The following ATAD2 variants were observed in gnomAD, a reference collection of about 807,000 sequenced individuals.
ATAD2 encodes ATPase family AAA domain-containing protein 2.
A neutral mutation model predicts 168.9 loss-of-function variants in ATAD2; 62 were observed. The observed-to-expected ratio is 0.37, with a 90% CI of 0.30 to 0.45. The LOEUF (loss-of-function observed/expected upper bound fraction) is 0.45. ATAD2 is among the 20% of genes least tolerant of loss of function. The pLI is 1.00. For synonymous variants in ATAD2, 613 were observed against 571.6 expected (o/e 1.07, Z -1.03); for missense variants, 1,419 against 1,667.8 (o/e 0.85, Z 2.60).
At chr8:123,370,453 G>T (rs1829118831) in intron 6 of ATAD2, among the ~76,000 whole-genome samples, 1 of 151,980 alleles carries the variant, frequency 6.6e-6, no homozygotes, top group Admixed American at 6.6e-5. Context: ...AGCCCATCTG[G>T]CTGTCATGGA....
chr8:123,354,445 C>T (rs535625995), intron 13 of ATAD2, among the ~76,000 whole-genome samples: 14 of 152,098 alleles, frequency 9.2e-5, no homozygotes, highest in Admixed American at 5.9e-4. Context: ...GTGGCTCATG[C>T]CTGTAATCCC....
At chr8:123,338,510 T>C (rs952250422) in intron 20 of ATAD2, among the ~76,000 whole-genome samples, 2 of 152,210 alleles carry the variant, frequency 1.3e-5, no homozygotes, top group African/African-American at 4.8e-5. Context: ...ACAGGTTATT[T>C]TGTTTAAATA....
chr8:123,378,095 T>C (rs889996098), intron 2 of ATAD2, among the ~76,000 whole-genome samples: 2 of 152,202 alleles, frequency 1.3e-5, no homozygotes, highest in Non-Finnish European at 2.9e-5. Context: ...CTGGTTTATA[T>C]TGTACTTCAT....
intron 13 of ATAD2, among the ~76,000 whole-genome samples, chr8:123,354,900 C>T (rs563667837): frequency 8.3e-6 from 1 of 120,834 alleles, no homozygotes; most frequent in Non-Finnish European, 1.6e-5. Context: ...TGAGATGGCA[C>T]AGTTTTGCTA....
intron 25 of ATAD2, among the ~76,000 whole-genome samples, chr8:123,326,751 T>C (rs1159311264): frequency 1.3e-5 from 2 of 152,202 alleles, no homozygotes; most frequent in East Asian, 1.9e-4. Flanking sequence ...GGTTGAGTAG[T>C]TGTCACAGAG....
upstream of ATAD2, chr8:123,396,540 G>A (rs1392782955): frequency 1.7e-6 from 1 of 604,664 alleles, no homozygotes; most frequent in Non-Finnish European, 2.8e-6. Context: ...AGAACAGCAG[G>A]CTCGAAACTC....
chr8:123,334,578 A>G (rs75546871), intron 22 of ATAD2, among the ~76,000 whole-genome samples: 6,284 of 149,126 alleles, frequency 0.042, 163 homozygotes, highest in Non-Finnish European at 0.062. Flanking sequence ...GAAATATCAG[A>G]AAAAAAAAAG....
intron 1 of ATAD2, among the ~76,000 whole-genome samples, chr8:123,412,994 GCTTA>G (rs1813183490): frequency 6.6e-6 from 1 of 151,974 alleles, no homozygotes; most frequent in Non-Finnish European, 1.5e-5. Flanking sequence ...TACTAAAAGG[GCTTA>G]GAATTGTAAA....
At chr8:123,391,425 T>A in intron 1 of ATAD2, among the ~76,000 whole-genome samples, 1 of 103,492 alleles carries the variant, frequency 9.7e-6, no homozygotes, top group African/African-American at 3.8e-5. Flanking sequence ...AATAGGTGAC[T>A]AAAAGTAACT....
At chr8:123,335,942 C>G (rs1381807714) in intron 22 of ATAD2, among the ~76,000 whole-genome samples, 1 of 152,048 alleles carries the variant, frequency 6.6e-6, no homozygotes, top group East Asian at 1.9e-4. Context: ...AAAAATATTA[C>G]TACTAGTAAG....
At chr8:123,397,846 G>C (rs1812925949), upstream of ATAD2, among the ~76,000 whole-genome samples, 3 of 152,236 alleles carry the variant, frequency 2.0e-5, no homozygotes, top group South Asian at 6.2e-4. Context: ...GGGTGATTAG[G>C]GAAGGTCTGG....
rs149531312 is a variant in ATAD2, at chr8:123,369,927, A to T, written c.825T>A (p.Asp275Glu). Residue 275 changes from aspartate (D) to glutamate (E), a missense_variant, in exon 7 of 28, where the codon GAT (aspartate) becomes GAA (glutamate). Asp to Glu is a conservative substitution (Grantham distance 45). Around this residue, in one of 5 missense-constraint regions of ATAD2, gnomAD observed 419 missense variants for 423.5 expected, o/e 0.99. Coordinates refer to ENST00000287394, the MANE Select transcript of ATAD2 (RefSeq NM_014109.4). The stretch of plus-strand genomic sequence containing the variant: ...CTTCATCTTCATCATCTTCATCATC[A>T]TCATCATCATCATCATCGTCATCAT... ...DDDDDDDDDDDDDEDDEDEED... is the reference protein window; with the variant it reads ...DDDDDDDDDDEDDEDDEDEED... 6.5e-5 allele frequency: 101 copies of T among 1,564,852 alleles called. No individual in the cohort carries two copies. Among genetic ancestry groups the T allele is most frequent in the East Asian group, 2.9e-4 (13 of 44,216 alleles).
At chr8:123,344,764 A>G (rs1293931625) in intron 19 of ATAD2, 120 bp downstream of exon 19, 4 of 1,096,662 alleles carry the variant, frequency 3.6e-6, no homozygotes, top group Non-Finnish European at 5.4e-6. Context: ...GGTATATTTG[A>G]TAAGAAAACT....
intron 22 of ATAD2, among the ~76,000 whole-genome samples, chr8:123,334,615 C>T (rs537396596): frequency 2.0e-5 from 3 of 150,506 alleles, no homozygotes; most frequent in Admixed American, 2.0e-4. Flanking sequence ...AGAGATTAAA[C>T]ATGATAACGA....
At chr8:123,372,585 CAG>C (rs1318185659) in intron 3 of ATAD2, 50 bp downstream of exon 3, 1 of 1,378,890 alleles carries the variant, frequency 7.3e-7, no homozygotes, top group African/African-American at 1.5e-5. Context: ...AACCTGTAAA[CAG>C]AATATTAATT....
At chr8:123,374,731 C>T (rs1299446252) in intron 2 of ATAD2, among the ~76,000 whole-genome samples, 3 of 152,144 alleles carry the variant, frequency 2.0e-5, no homozygotes, top group African/African-American at 4.8e-5. Flanking sequence ...GGCAGTGTTC[C>T]AAGGAAACTA....
At chr8:123,376,244 A>G (rs1303363525) in intron 2 of ATAD2, among the ~76,000 whole-genome samples, 1 of 151,906 alleles carries the variant, frequency 6.6e-6, no homozygotes, top group Non-Finnish European at 1.5e-5. Context: ...TGTCTCTACT[A>G]AAAATAGAAA....
At chr8:123,340,729 T>C (rs1391219175) in intron 19 of ATAD2, among the ~76,000 whole-genome samples, 2 of 152,168 alleles carry the variant, frequency 1.3e-5, no homozygotes, top group African/African-American at 4.8e-5. Flanking sequence ...TCAAATTATA[T>C]GAGGTACCTA....
upstream of ATAD2, chr8:123,400,791 T>G: frequency 2.2e-6 from 2 of 899,314 alleles, no homozygotes; most frequent in Non-Finnish European, 1.9e-6. This position sits in a 1 kb window ranked among gnomAD's most constrained non-coding sequence, Gnocchi z 4.5. Flanking sequence ...CCATGGACAC[T>G]GTGACAGAGG....
Sources: allele counts gnomAD v4.1 joint callset (sites outside exome capture counted in the v4.1 genomes callset), GRCh38; gene constraint gnomAD v4.1.1; regional missense constraint gnomAD v4.1.1; non-coding constraint Gnocchi (gnomAD v3.1); transcripts MANE v1.5; gene names NCBI Gene and HGNC (gene_info 2026-07-23, HGNC 2026-07-21).